The following ADAM12 variants were observed in gnomAD, a reference collection of about 807,000 sequenced individuals.
ADAM12 encodes the protein ADAM metallopeptidase domain 12.
Under a neutral mutation model 106.4 loss-of-function variants are expected in ADAM12, and 70 were observed. The observed-to-expected ratio is 0.66, with a 90% CI of 0.54 to 0.80. The LOEUF (loss-of-function observed/expected upper bound fraction) is 0.80. ADAM12 is among the 30% of genes least tolerant of loss of function. The pLI, the probability that ADAM12 is intolerant of heterozygous loss-of-function variation, is 0.00. For missense variants in ADAM12, 1,010 were observed against 1,171.9 expected, an observed-to-expected ratio of 0.86 and a Z score of 2.02; for synonymous variants, 420 against 433.5, an observed-to-expected ratio of 0.97 and a Z score of 0.39.
rs539913850 is a variant in ADAM12 at position 126,134,616 on chromosome 10, C to G, written c.416+968G>C. Reference sequence around the variant, plus strand: ...GGGGAACATGTGAGCAAATAGAACTCTCATTCTCTGCTGGCTGGAGTAGAA... The same window carrying G: ...GGGGAACATGTGAGCAAATAGAACTGTCATTCTCTGCTGGCTGGAGTAGAA... On this transcript the variant is annotated intron_variant, in intron 5 of 22. Transcript: ENST00000448723. Among the ~76,000 whole-genome samples, 11 of 152,330 alleles carry G rather than the reference C, an allele frequency of 7.2e-5. No individual in the cohort carries two copies. The South Asian group carries it at 1.0e-3, about 14-fold the overall frequency.
intron 1 of ADAM12, among the ~76,000 whole-genome samples, chr10:126,335,185 G>C (rs1854655423): frequency 6.6e-6 from 1 of 152,296 alleles, no homozygotes; most frequent in East Asian, 1.9e-4. Context: ...TGTATAAGTG[G>C]ATGCCAGTGG....
At chr10:126,047,220 G>A (rs578151632) in intron 16 of ADAM12, among the ~76,000 whole-genome samples, 56 of 152,320 alleles carry the variant, frequency 3.7e-4, no homozygotes, top group African/African-American at 1.3e-3. Flanking sequence ...AATGGCAGAA[G>A]AATTTTTAAT....
chr10:126,276,848 G>C (rs1333195169), intron 3 of ADAM12, among the ~76,000 whole-genome samples: 2 of 152,078 alleles, frequency 1.3e-5, no homozygotes, highest in Non-Finnish European at 2.9e-5. Flanking sequence ...CTTTTAAAAC[G>C]ATATTTATAC....
At chr10:126,126,587 G>T (rs1354827188) in intron 5 of ADAM12, among the ~76,000 whole-genome samples, 1 of 151,830 alleles carries the variant, frequency 6.6e-6, no homozygotes, top group African/African-American at 2.4e-5. Flanking sequence ...AGCCAAGGTG[G>T]GCTGGAGTGC....
chr10:126,243,783 C>A (rs1370360179), intron 3 of ADAM12, among the ~76,000 whole-genome samples: 1 of 152,128 alleles, frequency 6.6e-6, no homozygotes, highest in Non-Finnish European at 1.5e-5. Flanking sequence ...CTTCTGATGT[C>A]TTTCACAATG....
chr10:126,041,786 T>C (rs945638682), intron 18 of ADAM12: 10 of 1,111,872 alleles, frequency 9.0e-6, no homozygotes, highest in South Asian at 3.4e-5. Context: ...CCCCCACTGC[T>C]GTGGAGGCTC....
At chr10:126,120,951 TATA>T (rs1420816459) in intron 5 of ADAM12, among the ~76,000 whole-genome samples, 2 of 137,554 alleles carry the variant, frequency 1.5e-5, no homozygotes, top group Non-Finnish European at 3.1e-5. Context: ...ACATATGTAA[TATA>T]ATATATATTA....
At chr10:126,082,742 C>T (rs116070648) in intron 11 of ADAM12, among the ~76,000 whole-genome samples, 4,867 of 152,230 alleles carry the variant, frequency 0.032, 108 homozygotes, top group African/African-American at 0.067. Flanking sequence ...TCTTAGTTCA[C>T]AGCCAGTTCT....
intron 3 of ADAM12, among the ~76,000 whole-genome samples, chr10:126,168,166 C>G (rs1957057805): frequency 1.3e-5 from 2 of 152,182 alleles, no homozygotes; most frequent in Admixed American, 6.5e-5. Flanking sequence ...TGGGGTCTTT[C>G]TTACTCACTT....
At chr10:126,205,506 C>A (rs1156299522) in intron 3 of ADAM12, among the ~76,000 whole-genome samples, 1 of 152,186 alleles carries the variant, frequency 6.6e-6, no homozygotes, top group Non-Finnish European at 1.5e-5. Flanking sequence ...GGCTTGTTAC[C>A]ATTTCTTGAA....
intron 3 of ADAM12, among the ~76,000 whole-genome samples, chr10:126,157,148 C>A (rs1565101435): frequency 6.6e-6 from 1 of 152,214 alleles, no homozygotes; most frequent in African/African-American, 2.4e-5. Context: ...CGTCTTTCTT[C>A]TCTGTTCTCA....
intron 2 of ADAM12, among the ~76,000 whole-genome samples, chr10:126,312,502 C>T (rs902592385): frequency 5.9e-5 from 9 of 152,002 alleles, no homozygotes; most frequent in African/African-American, 1.9e-4. Flanking sequence ...ATGGTCCTGA[C>T]TATGTGGTTA....
rs765602250 is a variant in ADAM12 at position 126,101,230 on chromosome 10, T to A, written c.753A>T (p.Pro251=). 2.5e-6 allele frequency: 4 copies of A among 1,613,922 alleles called. No individual in the cohort carries two copies. In the Admixed American group the frequency reaches 6.7e-5, roughly 27 times the overall value. ...IANHVDKFYR[P]LNIRIVLVGV... ...CTACCAACACGATCCGAATGTTCAG[T>A]GGTCTGTAAAACTGGGCAAAACAGG... Residue 251 remains proline, a synonymous_variant, in exon 9 of 23, where the codon CCA becomes CCT. Transcript: ENST00000448723.
intron 1 of ADAM12, among the ~76,000 whole-genome samples, chr10:126,370,761 C>T (rs1464346746): frequency 1.3e-5 from 2 of 152,188 alleles, no homozygotes; most frequent in Non-Finnish European, 2.9e-5. Context: ...CCTCCCTTGG[C>T]AGCCCAGTGG....
At chr10:126,331,297 A>G (rs1181413080) in intron 1 of ADAM12, among the ~76,000 whole-genome samples, 2 of 152,160 alleles carry the variant, frequency 1.3e-5, no homozygotes, top group Non-Finnish European at 2.9e-5. Context: ...ACCACAGTAT[A>G]TCCCTCAAGG....
chr10:126,129,844 C>G (rs1055002248), intron 5 of ADAM12, among the ~76,000 whole-genome samples: 3 of 152,176 alleles, frequency 2.0e-5, no homozygotes, highest in Admixed American at 2.0e-4. Context: ...CTTTCATGTC[C>G]CTTTCTACTG....
chr10:126,200,059 C>T (rs553558255), intron 3 of ADAM12, among the ~76,000 whole-genome samples: 15 of 152,278 alleles, frequency 9.9e-5, no homozygotes, highest in African/African-American at 2.9e-4. Context: ...TTACCACCTA[C>T]GAGATGCTCT....
intron 3 of ADAM12, among the ~76,000 whole-genome samples, chr10:126,156,888 G>A (rs1956826698): frequency 6.6e-6 from 1 of 152,228 alleles, no homozygotes; most frequent in Non-Finnish European, 1.5e-5. Context: ...CAGAACCTGG[G>A]TTTTCTGTGT....
At chr10:126,154,239 G>A (rs1214054530) in intron 4 of ADAM12, among the ~76,000 whole-genome samples, 1 of 152,168 alleles carries the variant, frequency 6.6e-6, no homozygotes, top group East Asian at 1.9e-4. Context: ...CTTTGTTTCT[G>A]CCTCTTGGGG....
Sources: gnomAD v4.1 joint callset for allele counts (sites outside exome capture counted in the v4.1 genomes callset) on GRCh38, gnomAD v4.1.1 for gene constraint, MANE v1.5 for transcripts, NCBI Gene and HGNC (gene_info 2026-07-23, HGNC 2026-07-21) for gene names.